SLC25A12: variants seen among roughly 807,000 people sequenced by gnomAD.
The protein encoded by SLC25A12 is solute carrier family 25 member 12, also known as electrogenic aspartate/glutamate antiporter SLC25A12, mitochondrial.
SLC25A12 carries 32 observed loss-of-function variants against 83.3 expected under a neutral mutation model. The observed-to-expected ratio is 0.38, with a 90% CI of 0.29 to 0.52. The LOEUF is 0.52. Ranked by LOEUF, SLC25A12 falls within the 20% of genes least tolerant of loss-of-function variation. The pLI is 0.84. For synonymous variants in SLC25A12, 267 were observed against 291.1 expected, an observed-to-expected ratio of 0.92 and a Z score of 0.84; for missense variants, 611 against 835.6, an observed-to-expected ratio of 0.73 and a Z score of 3.31.
chr2:171,884,001 C>T (rs1209612172), intron 2 of SLC25A12, among the ~76,000 whole-genome samples: 1 of 151,774 alleles, frequency 6.6e-6, no homozygotes, highest in African/African-American at 2.4e-5. Context: ...GCTAGGACTA[C>T]AAGCACAGGC....
intron 4 of SLC25A12, chr2:171,845,748 G>A (rs1405460947): frequency 4.4e-6 from 2 of 453,088 alleles, no homozygotes; most frequent in Admixed American, 4.7e-5. Context: ...CAATATAATA[G>A]CTCTGAATAG....
intron 4 of SLC25A12, 128 bp from the exon 5 acceptor site, chr2:171,844,636 C>G: frequency 1.5e-6 from 1 of 670,158 alleles, no homozygotes; most frequent in South Asian, 1.9e-5. Flanking sequence ...ATTAAAATAA[C>G]TGCAATTTTT....
rs529790719 is a variant in SLC25A12 at position 171,789,336 on chromosome 2, C to T, written c.1586-1389G>A. ...CTCCGCCTCCCAGGTTCATGCCATT[C>T]TCCTGCCTCAGCCTCCCCAGTAGCT... On this transcript the variant is annotated intron_variant, in intron 15 of 17. Coordinates refer to ENST00000422440, the MANE Select transcript of SLC25A12 (RefSeq NM_003705.5). Among the ~76,000 whole-genome samples, 6 of 152,300 alleles carry T rather than the reference C, an allele frequency of 3.9e-5. No homozygotes were observed. The East Asian group carries it at 1.2e-3, about 30-fold the overall frequency.
intron 14 of SLC25A12, 151 bp downstream of exon 14, chr2:171,793,476 T>C (rs1457507911): frequency 7.6e-6 from 6 of 787,628 alleles, no homozygotes; most frequent in Admixed American, 6.3e-5. Flanking sequence ...CTGCCTCTCA[T>C]ACAAGTGTCC....
chr2:171,824,425 G>A (rs1185389192), intron 9 of SLC25A12, among the ~76,000 whole-genome samples: 1 of 152,116 alleles, frequency 6.6e-6, no homozygotes. Context: ...GAAAAACTGA[G>A]GAGGAGAAAT....
intron 9 of SLC25A12, among the ~76,000 whole-genome samples, chr2:171,826,449 A>C (rs1367723883): frequency 6.6e-6 from 1 of 152,172 alleles, no homozygotes; most frequent in East Asian, 1.9e-4. Flanking sequence ...CTCTACTAAA[A>C]ATACAAAAAT....
In SLC25A12 at chr2:171,876,789, A is replaced by G. The variant is rs538535797; in HGVS notation, c.67-7966T>C. Among the ~76,000 whole-genome samples, 3 of 152,306 alleles carry G rather than the reference A, an allele frequency of 2.0e-5. No individual in the cohort carries two copies. In the South Asian group the frequency reaches 6.2e-4, roughly 32 times the overall value. ...GATGAACTAAAATGACTTTAGATGA[A>G]ATTACCCAAGTATGTCTATACTCCA... is the stretch of plus-strand genomic sequence containing the variant. On this transcript the variant is annotated intron_variant, in intron 2 of 17. Transcript: ENST00000422440.
At chr2:171,809,310 C>T (rs903355444) in intron 13 of SLC25A12, 3 of 370,758 alleles carry the variant, frequency 8.1e-6, no homozygotes, top group South Asian at 2.6e-5. Flanking sequence ...AACTAATTCA[C>T]ACTCCCACCA....
At chr2:171,866,258 C>T (rs1425112361) in intron 3 of SLC25A12, among the ~76,000 whole-genome samples, 1 of 144,142 alleles carries the variant, frequency 6.9e-6, no homozygotes, top group Non-Finnish European at 1.5e-5. Context: ...GGCAACCATC[C>T]GATTTCTCAA....
intron 2 of SLC25A12, among the ~76,000 whole-genome samples, chr2:171,871,425 C>T (rs1486551391): frequency 2.0e-5 from 3 of 152,186 alleles, no homozygotes; most frequent in Admixed American, 1.3e-4. Context: ...ATTATCCAAG[C>T]ATGGTGGCAT....
rs1684750496 is a variant in SLC25A12, at chr2:171,844,518, G to C, written c.326-10C>G. 1.3e-6 allele frequency: 2 copies of C among 1,532,300 alleles called. No individual in the cohort carries two copies. Among genetic ancestry groups the C allele is most frequent in the Admixed American group, 1.7e-5 (1 of 59,834 alleles). The allele number at this position is 1,532,300 out of a possible 1,614,324, so 94.9% of individuals were successfully genotyped here. On this transcript the variant is annotated splice_polypyrimidine_tract_variant and intron_variant, in intron 4 of 17. Coordinates refer to ENST00000422440, the MANE Select transcript of SLC25A12 (RefSeq NM_003705.5). ...ATTTCTTTGACATTTTCTTAAAAGG[G>C]AAAACAAAAATAAATCAATTATATC... is the stretch of plus-strand genomic sequence containing the variant.
chr2:171,853,160 C>T (rs569772301), intron 4 of SLC25A12, among the ~76,000 whole-genome samples: 8 of 152,090 alleles, frequency 5.3e-5, no homozygotes, highest in Non-Finnish European at 5.9e-5. Flanking sequence ...TACAGGTATG[C>T]GCCACTGCAC....
chr2:171,865,361 T>C (rs1685263814), intron 3 of SLC25A12, among the ~76,000 whole-genome samples: 1 of 152,152 alleles, frequency 6.6e-6, no homozygotes, highest in Admixed American at 6.6e-5. Flanking sequence ...ATACAACTAG[T>C]ATATACCAAT....
rs1574668424 is a variant in SLC25A12 at position 171,785,095 on chromosome 2, G to T, written c.*179C>A. The T allele has an allele frequency of 1.9e-5, 12 of 631,822 alleles. No individual in the cohort carries two copies. The East Asian group carries it at 3.5e-4, about 19-fold the overall frequency. 39.1% of individuals were successfully genotyped at this position (631,822 alleles called of 1,614,324 possible). ...AGACTAAAGCTTGAAACAGCGTTGT[G>T]GTTTTTTCCCTGGGCAAATGATTAT... On this transcript the variant is annotated 3_prime_UTR_variant, in exon 18 of 18. Transcript: ENST00000422440.
chr2:171,865,458 C>T (rs1285675046), intron 3 of SLC25A12, among the ~76,000 whole-genome samples: 1 of 151,956 alleles, frequency 6.6e-6, no homozygotes, highest in African/African-American at 2.4e-5. Context: ...GTCAGGAGTT[C>T]GAGATCAGCC....
intron 11 of SLC25A12, 149 bp downstream of exon 11, chr2:171,813,190 A>G: frequency 1.3e-6 from 1 of 762,194 alleles, no homozygotes; most frequent in South Asian, 1.6e-5. Context: ...GAATGCAAAA[A>G]GGGAAATGAG....
intron 4 of SLC25A12, among the ~76,000 whole-genome samples, chr2:171,854,553 C>G (rs1685007476): frequency 6.6e-6 from 1 of 151,628 alleles, no homozygotes; most frequent in Admixed American, 6.6e-5. Context: ...GGCGACAGAG[C>G]AAGACTCCGT....
chr2:171,872,150 G>A (rs1685470437), intron 2 of SLC25A12, among the ~76,000 whole-genome samples: 1 of 151,970 alleles, frequency 6.6e-6, no homozygotes, highest in South Asian at 2.1e-4. Flanking sequence ...AACCCTTTGT[G>A]AGTCCCTAGA....
chr2:171,849,704 C>T (rs1294300010), intron 4 of SLC25A12, among the ~76,000 whole-genome samples: 4 of 151,436 alleles, frequency 2.6e-5, no homozygotes, highest in African/African-American at 7.3e-5. Context: ...TACAGGCATC[C>T]GCCACCATGC....
Sources: gnomAD v4.1 joint callset for allele counts (sites outside exome capture counted in the v4.1 genomes callset) on GRCh38, gnomAD v4.1.1 for gene constraint, MANE v1.5 for transcripts, NCBI Gene and HGNC (gene_info 2026-07-23, HGNC 2026-07-21) for gene names.